Variants in CMTM4 observed in about 807,000 individuals in gnomAD.
CMTM4 encodes the protein CKLF like MARVEL transmembrane domain containing 4.
Under a neutral mutation model 19.0 loss-of-function variants are expected in CMTM4, and 8 were observed. The ratio of observed to expected loss-of-function variants is 0.42; its 90% CI spans 0.25 to 0.76. CMTM4 has a LOEUF of 0.76. CMTM4 is among the 30% of genes least tolerant of loss of function. The pLI is 0.27. For synonymous variants in CMTM4, 106 were observed against 121.1 expected (o/e 0.88, Z 0.82); for missense variants, 228 against 290.2 (o/e 0.79, Z 1.56).
At chr16:66,612,057 C>T (rs1321615667), downstream of CMTM4, among the ~76,000 whole-genome samples, 1 of 152,150 alleles carries the variant, frequency 6.6e-6, no homozygotes, top group Non-Finnish European at 1.5e-5. The surrounding 1 kb of genome is among the most constrained non-coding windows in gnomAD (Gnocchi z 6.0). Flanking sequence ...GAAGGGGCAC[C>T]TGGGCTTCAG....
chr16:66,687,726 C>G (rs1022904578), intron 1 of CMTM4, among the ~76,000 whole-genome samples: 7 of 132,808 alleles, frequency 5.3e-5, no homozygotes, highest in Non-Finnish European at 9.2e-5. Context: ...CTCGCTCTGT[C>G]GCCCAGGCTG....
intron 2 of CMTM4, among the ~76,000 whole-genome samples, chr16:66,625,452 AAAAG>A (rs2015718672): frequency 6.6e-6 from 1 of 152,000 alleles, no homozygotes; most frequent in Non-Finnish European, 1.5e-5. Context: ...AAAAAAAAGA[AAAAG>A]AAAAAAGAAA....
At chr16:66,684,583 C>T (rs536478798) in intron 1 of CMTM4, among the ~76,000 whole-genome samples, 2 of 152,058 alleles carry the variant, frequency 1.3e-5, no homozygotes, top group Non-Finnish European at 2.9e-5. Flanking sequence ...AGGCCACACA[C>T]GAGAGGCACT....
At chr16:66,657,427 G>A (rs1020990750) in intron 1 of CMTM4, among the ~76,000 whole-genome samples, 1 of 152,104 alleles carries the variant, frequency 6.6e-6, no homozygotes, top group South Asian at 2.1e-4. Context: ...GTGTGGTTAT[G>A]TAAGAAAGTA....
At chr16:66,623,638 A>G in intron 2 of CMTM4, 136 bp from the exon 3 acceptor site, 1 of 572,962 alleles carries the variant, frequency 1.7e-6, no homozygotes, top group Non-Finnish European at 3.1e-6. Context: ...TCAATGTCAC[A>G]GGGTTACTGG....
chr16:66,696,408 G>A lies in CMTM4; in HGVS notation c.118C>T (p.Leu40=), dbSNP rs781339043. 7.1e-7 allele frequency: 1 copy of A among 1,407,158 alleles called. No individual in the cohort carries two copies. The highest frequency in any genetic ancestry group is 1.4e-5 in the South Asian group (1 of 70,340). The allele number at this position is 1,407,158 out of a possible 1,614,324, so 87.2% of individuals were successfully genotyped here. ...TTEPVSQRRG[L]AGLRCDPDYL... ...TCGGGGTCGCAGCGCAGGCCGGCCA[G>A]CCCGCGGCGCTGGCTCACCGGCTCG... The change falls in exon 1 of 4, where the codon CTG becomes TTG. Residue 40 remains leucine, a synonymous_variant. Transcript: ENST00000394106. The surrounding 1 kb of genome is among the most constrained non-coding windows in gnomAD (Gnocchi z 4.3).
chr16:66,668,282 T>A lies in CMTM4; in HGVS notation c.186+28058A>T, dbSNP rs375565896. On this transcript the variant is annotated intron_variant, in intron 1 of 3. Coordinates refer to ENST00000394106, the MANE Select transcript of CMTM4 (RefSeq NM_181521.3). ...CCTCAGCCCCCCAGAGTGCTGGGAT[T>A]ACAGGCATGAACCACCATGCCCAGC... Among the ~76,000 whole-genome samples the A allele has an allele frequency of 9.2e-5, 14 of 152,204 alleles. No individual in the cohort carries two copies. In the East Asian group the frequency reaches 1.7e-3, roughly 19 times the overall value.
intron 1 of CMTM4, among the ~76,000 whole-genome samples, chr16:66,675,561 C>T (rs1269308584): frequency 1.3e-5 from 2 of 151,860 alleles, no homozygotes; most frequent in Non-Finnish European, 2.9e-5. Flanking sequence ...GGGCTCCCTG[C>T]GACCTAGCAG....
rs72790445 is a variant in CMTM4 at position 66,619,994 on chromosome 16, C to T, written c.*2064G>A. On this transcript the variant is annotated 3_prime_UTR_variant, in exon 4 of 4. Coordinates refer to ENST00000394106, the MANE Select transcript of CMTM4 (RefSeq NM_181521.3). Reference sequence around the variant, plus strand: ...CCTCAGGAGGCCAACCACCTGCCCCCCTCTTTCACCAGATGATCAAGTGGT... The same window carrying T: ...CCTCAGGAGGCCAACCACCTGCCCCTCTCTTTCACCAGATGATCAAGTGGT... The T allele has an allele frequency of 5.1e-6, 5 of 985,384 alleles. No individual in the cohort carries two copies. The highest frequency in any genetic ancestry group is 3.5e-5 in the African/African-American group (2 of 57,326). The allele number at this position is 985,384 out of a possible 1,614,324, so 61.0% of individuals were successfully genotyped here. A position where few individuals can be genotyped will look rare whatever the true frequency, so the allele number is the denominator to read the frequency against.
chr16:66,633,146 T>TATATATATATA, intron 2 of CMTM4, among the ~76,000 whole-genome samples: 1 of 123,438 alleles, frequency 8.1e-6, no homozygotes, highest in African/African-American at 4.1e-5. Context: ...TATATATATA[T>TATATATATATA]CAAAGTCCCA....
chr16:66,617,840 G>A lies in CMTM4; in HGVS notation c.*4218C>T, dbSNP rs181532432. ...TGCCAGGAGCTCACCCACAGGACGG[G>A]AAAGACCTGTCCCCAGCATCCCACT... On this transcript the variant is annotated 3_prime_UTR_variant, in exon 4 of 4. Coordinates refer to ENST00000394106, the MANE Select transcript of CMTM4 (RefSeq NM_181521.3). 2.1e-5 allele frequency: 21 copies of A among 993,486 alleles called. No homozygotes were observed. In the East Asian group the frequency reaches 1.5e-3, roughly 73 times the overall value. 61.5% of individuals were successfully genotyped at this position (993,486 alleles called of 1,614,324 possible). A position where few individuals can be genotyped will look rare whatever the true frequency, so the allele number is the denominator to read the frequency against.
At chr16:66,681,075 A>C (rs1306230147) in intron 1 of CMTM4, among the ~76,000 whole-genome samples, 1 of 152,176 alleles carries the variant, frequency 6.6e-6, no homozygotes, top group Non-Finnish European at 1.5e-5. Context: ...TTTGGATAGT[A>C]TATTTTATGC....
chr16:66,637,819 C>G (rs939697277), intron 1 of CMTM4, among the ~76,000 whole-genome samples: 17 of 152,184 alleles, frequency 1.1e-4, no homozygotes, highest in Non-Finnish European at 2.1e-4. Context: ...TCCAGGCTGG[C>G]CTCCACCTCA....
In CMTM4 at chr16:66,619,003, T is replaced by C. The variant is rs546885713; in HGVS notation, c.*3055A>G. ...TGTGCAGGCTGCCACATTCTTGCTT[T>C]TTCTGTAGACAAAAGTCACCTCCCT... is the stretch of plus-strand genomic sequence containing the variant. On this transcript the variant is annotated 3_prime_UTR_variant, in exon 4 of 4. Coordinates refer to ENST00000394106, the MANE Select transcript of CMTM4 (RefSeq NM_181521.3). 9 of 985,498 alleles carry C rather than the reference T, an allele frequency of 9.1e-6. No individual in the cohort carries two copies. The African/African-American group carries it at 1.6e-4, about 17-fold the overall frequency. The allele number at this position is 985,498 out of a possible 1,614,324, so 61.0% of individuals were successfully genotyped here. A position where few individuals can be genotyped will look rare whatever the true frequency, so the allele number is the denominator to read the frequency against.
At chr16:66,683,590 T>A (rs988130946) in intron 1 of CMTM4, among the ~76,000 whole-genome samples, 15 of 151,864 alleles carry the variant, frequency 9.9e-5, no homozygotes. Flanking sequence ...ATTTTTTTTC[T>A]TTTATTAAAC....
chr16:66,624,811 A>AT (rs2015704421), intron 2 of CMTM4, among the ~76,000 whole-genome samples: 1 of 152,330 alleles, frequency 6.6e-6, no homozygotes, highest in Middle Eastern at 3.4e-3. Context: ...TGCTGGCATC[A>AT]TAACAGTGCT....
intron 1 of CMTM4, among the ~76,000 whole-genome samples, chr16:66,637,633 A>G (rs189926354): frequency 1.1e-3 from 174 of 152,326 alleles, no homozygotes; most frequent in African/African-American, 3.8e-3. Context: ...AATCAAATAG[A>G]TATTGATAGA....
downstream of CMTM4, chr16:66,610,117 GA>G (rs2015321191): frequency 7.2e-7 from 1 of 1,396,840 alleles, no homozygotes; most frequent in African/African-American, 1.4e-5. This position sits in a 1 kb window ranked among gnomAD's most constrained non-coding sequence, Gnocchi z 4.6. Context: ...CCCATGGCAG[GA>G]AGTGTTTTCA....
At chr16:66,613,224 G>A (rs2015450716), downstream of CMTM4, 3 of 684,506 alleles carry the variant, frequency 4.4e-6, no homozygotes, top group Admixed American at 6.1e-5. Flanking sequence ...GTGGGGCTCG[G>A]CACCCATAAC....
Sources: allele counts gnomAD v4.1 joint callset (sites outside exome capture counted in the v4.1 genomes callset), GRCh38; gene constraint gnomAD v4.1.1; non-coding constraint Gnocchi (gnomAD v3.1); transcripts MANE v1.5; gene names NCBI Gene and HGNC (gene_info 2026-07-23, HGNC 2026-07-21).